DENND5A: variants seen among roughly 807,000 people sequenced by gnomAD.
DENND5A encodes the protein DENN domain containing 5A.
Under a neutral mutation model 140.3 loss-of-function variants are expected in DENND5A, and 64 were observed. The observed-to-expected ratio is 0.46, with a 90% CI of 0.37 to 0.56. DENND5A has a LOEUF of 0.56. DENND5A is among the 20% of genes least tolerant of loss of function. The pLI is 0.00. For synonymous variants in DENND5A, 605 were observed against 607.7 expected (o/e 1.00, Z 0.07); for missense variants, 1,292 against 1,593.8 (o/e 0.81, Z 3.22).
chr11:9,164,088 T>TC (rs1848096552), intron 11 of DENND5A, among the ~76,000 whole-genome samples: 1 of 122,834 alleles, frequency 8.1e-6, no homozygotes, highest in Admixed American at 8.5e-5. Flanking sequence ...TTTTTTTTTT[T>TC]TGAGAGAGGG....
At position 9,250,497 on chromosome 11, in the gene DENND5A, G is replaced by A. The variant is rs943242604; in HGVS notation, c.109+14464C>T. Among the ~76,000 whole-genome samples, 63 of 152,040 alleles carry A rather than the reference G, an allele frequency of 4.1e-4. 2 individuals are homozygous for A. Among genetic ancestry groups the A allele is most frequent in the South Asian group, 2.1e-4 (1 of 4,824 alleles). On this transcript the variant is annotated intron_variant, in intron 1 of 22. Transcript: ENST00000328194. ...TCGCACTACAGCTCTGCATTTCAACGATTATGCCACTGCTTCAGTTTTCCC... is the reference window on the plus strand; with the variant it reads ...TCGCACTACAGCTCTGCATTTCAACAATTATGCCACTGCTTCAGTTTTCCC...
Position 9,160,823 on chromosome 11 carries a change from C to T in DENND5A, c.2326G>A (p.Glu776Lys). Residue 776 changes from glutamate to lysine, a missense_variant, in exon 12 of 23, where the codon GAG becomes AAG. By Grantham distance (56) the Glu-to-Lys change is moderately conservative. This residue lies in a region of DENND5A where 498 missense variants were observed against 689.7 expected (regional missense o/e 0.72). Transcript: ENST00000328194. ...ATGTTCACCTCCCCATGCCCTAGCT[C>T]CACAGCTTCTCGGCCCATCTTTTCC... The part of the protein sequence containing the change: ...LVEKMGREAV[E>K]LGHGEVNITG... 1 of 1,614,126 alleles carries T rather than the reference C, an allele frequency of 6.2e-7. No homozygotes were observed.
chr11:9,140,296 G>T, intron 22 of DENND5A: 1 of 1,053,968 alleles, frequency 9.5e-7, no homozygotes, highest in Non-Finnish European at 1.3e-6. Context: ...TATAGATGAA[G>T]AAAGTAGGGT....
At chr11:9,142,341 A>AAG (rs1847273654) in intron 21 of DENND5A, among the ~76,000 whole-genome samples, 4 of 152,194 alleles carry the variant, frequency 2.6e-5, no homozygotes, top group African/African-American at 9.7e-5. Context: ...CCCTAGTCTG[A>AAG]AGACACAAAA....
intron 5 of DENND5A, among the ~76,000 whole-genome samples, chr11:9,189,919 C>T (rs1337226669): frequency 2.6e-5 from 4 of 152,166 alleles, no homozygotes; most frequent in African/African-American, 4.8e-5. Context: ...GGATTACAGG[C>T]GTGAGCCACT....
chr11:9,183,505 TG>T (rs1332022850), intron 5 of DENND5A, among the ~76,000 whole-genome samples: 1 of 151,920 alleles, frequency 6.6e-6, no homozygotes, highest in Non-Finnish European at 1.5e-5. Context: ...GGCACAGTCA[TG>T]GCTCACTGCA....
At chr11:9,143,122 A>G in intron 20 of DENND5A, 1 of 584,528 alleles carries the variant, frequency 1.7e-6, no homozygotes, top group Admixed American at 3.0e-5. Flanking sequence ...ATTCAAGGAG[A>G]CCCAGGCAAA....
intron 1 of DENND5A, among the ~76,000 whole-genome samples, chr11:9,243,110 A>AAC (rs1564936229): frequency 6.8e-6 from 1 of 148,074 alleles, no homozygotes; most frequent in African/African-American, 2.6e-5. Context: ...AAAAACAAAA[A>AAC]AAAAAACTGA....
chr11:9,231,581 G>A (rs1051767215), intron 1 of DENND5A, among the ~76,000 whole-genome samples: 1 of 152,016 alleles, frequency 6.6e-6, no homozygotes, highest in Non-Finnish European at 1.5e-5. Context: ...AGGGAGTGGT[G>A]GCGCATGCCT....
intron 4 of DENND5A, among the ~76,000 whole-genome samples, chr11:9,200,761 G>A (rs568826062): frequency 1.5e-4 from 23 of 152,082 alleles, no homozygotes; most frequent in Non-Finnish European, 2.8e-4. Flanking sequence ...CCTCTCACCT[G>A]GATTATTACA....
chr11:9,146,988 G>C (rs1263221818), intron 16 of DENND5A, 42 bp downstream of exon 16: 11 of 1,608,596 alleles, frequency 6.8e-6, no homozygotes, highest in Non-Finnish European at 9.4e-6. Context: ...GGTTCATAAA[G>C]ACTGCCTTGA....
intron 15 of DENND5A, among the ~76,000 whole-genome samples, chr11:9,148,057 T>C (rs73416056): frequency 0.043 from 6,484 of 152,254 alleles, 437 homozygotes; most frequent in African/African-American, 0.14. Context: ...AAAGCGCCTA[T>C]CCTCAAATGC....
At chr11:9,222,058 G>T (rs1214022942) in intron 1 of DENND5A, among the ~76,000 whole-genome samples, 1 of 152,134 alleles carries the variant, frequency 6.6e-6, no homozygotes, top group East Asian at 1.9e-4. Flanking sequence ...CGCTTGGCAA[G>T]AATTTTTAAT....
At chr11:9,231,730 A>AAAAAAAAAAAAAAAC (rs1264065265) in intron 1 of DENND5A, among the ~76,000 whole-genome samples, 1 of 149,466 alleles carries the variant, frequency 6.7e-6, no homozygotes, top group Non-Finnish European at 1.5e-5. Context: ...AAAAAAAAAA[A>AAAAAAAAAAAAAAAC]AAGACTCTGG....
In DENND5A at chr11:9,263,658, A is replaced by G. The variant is rs1399668923; in HGVS notation, c.109+1303T>C. Among the ~76,000 whole-genome samples the G allele has an allele frequency of 5.5e-5, 8 of 144,842 alleles. No homozygotes were observed. In the East Asian group the frequency reaches 1.7e-3, roughly 30 times the overall value. Reference sequence around the variant, plus strand: ...GAGATCGAGACCATCCTGGCTAACAAGGTGAAACCCCGTCTCTACTAAAAA... The same window carrying G: ...GAGATCGAGACCATCCTGGCTAACAGGGTGAAACCCCGTCTCTACTAAAAA... On this transcript the variant is annotated intron_variant, in intron 1 of 22. Coordinates refer to ENST00000328194, the MANE Select transcript of DENND5A (RefSeq NM_015213.4).
intron 1 of DENND5A, among the ~76,000 whole-genome samples, chr11:9,211,836 G>A (rs922053182): frequency 6.6e-6 from 1 of 151,462 alleles, no homozygotes; most frequent in Non-Finnish European, 1.5e-5. Context: ...GGAGGCTGAG[G>A]CAGAAGAATC....
At chr11:9,140,383 G>A (rs1246740857) in intron 22 of DENND5A, 18 of 412,876 alleles carry the variant, frequency 4.4e-5, no homozygotes, top group East Asian at 2.9e-4. Flanking sequence ...TAGTGAATGC[G>A]GTTCTGGAGT....
At position 9,204,303 on chromosome 11, in the gene DENND5A, T is replaced by G; in HGVS notation, c.306A>C (p.Lys102Asn). The change falls in exon 4 of 23, where the codon AAA (lysine) becomes AAC (asparagine). Residue 102 changes from lysine (K) to asparagine (N), a missense_variant. By Grantham distance (94) the Lys-to-Asn change is moderately conservative (BLOSUM62 0). This residue lies in a region of DENND5A where 566 missense variants were observed against 650.4 expected (regional missense o/e 0.87). Coordinates refer to ENST00000328194, the MANE Select transcript of DENND5A (RefSeq NM_015213.4). ...CAGCCTGGGTCTTGAATGCCAGCCC[T>G]TTCGGCATACATAGCTGCAAAAGAC... ...QDAVGMLCMPKGLAFKTQADP... is the reference protein window; with the variant it reads ...QDAVGMLCMPNGLAFKTQADP... 1 of 1,610,714 alleles carries G rather than the reference T, an allele frequency of 6.2e-7. No homozygotes were observed. Among genetic ancestry groups the G allele is most frequent in the Non-Finnish European group, 8.5e-7 (1 of 1,179,808 alleles).
At chr11:9,191,924 C>T (rs1452118090) in intron 5 of DENND5A, among the ~76,000 whole-genome samples, 1 of 152,154 alleles carries the variant, frequency 6.6e-6, no homozygotes, top group Admixed American at 6.5e-5. Flanking sequence ...CTTCTTTCTC[C>T]AGTCGACTCT....
Sources: gnomAD v4.1 joint callset for allele counts (sites outside exome capture counted in the v4.1 genomes callset) on GRCh38, gnomAD v4.1.1 for gene constraint, gnomAD v4.1.1 regional missense constraint, MANE v1.5 for transcripts, NCBI Gene and HGNC (gene_info 2026-07-23, HGNC 2026-07-21) for gene names.